The following OXR1 variants were observed in gnomAD, a reference collection of about 807,000 sequenced individuals.
OXR1 encodes the protein oxidation resistance 1, also known as oxidation resistance protein 1.
A neutral mutation model predicts 104.6 loss-of-function variants in OXR1; 41 were observed. The observed-to-expected ratio is 0.39, with a 90% CI of 0.31 to 0.51. The LOEUF is 0.51. Ranked by LOEUF, OXR1 falls within the 20% of genes least tolerant of loss-of-function variation. The pLI is 0.77. For synonymous variants in OXR1, 348 were observed against 348.4 expected (o/e 1.00, Z 0.01); for missense variants, 955 against 1,031.9 (o/e 0.93, Z 1.02).
chr8:106,563,704 T>C (rs1346904993), intron 3 of OXR1, among the ~76,000 whole-genome samples: 1 of 152,252 alleles, frequency 6.6e-6, no homozygotes, highest in Non-Finnish European at 1.5e-5. Flanking sequence ...CAGCACCACA[T>C]AGCACTTATT....
At chr8:106,458,673 G>C (rs1286827076) in intron 2 of OXR1, among the ~76,000 whole-genome samples, 1 of 152,082 alleles carries the variant, frequency 6.6e-6, no homozygotes, top group Admixed American at 6.5e-5. Flanking sequence ...GCTGCTGGGT[G>C]GACTGAGCCC....
At chr8:106,289,353 T>C (rs1249938788) in intron 1 of OXR1, among the ~76,000 whole-genome samples, 1 of 152,172 alleles carries the variant, frequency 6.6e-6, no homozygotes, top group Non-Finnish European at 1.5e-5. Context: ...ATCAGTAACA[T>C]TTGTATACAC....
rs188462873 is a variant in OXR1, at chr8:106,460,535, T to A, written c.24-58408T>A. On this transcript the variant is annotated intron_variant, in intron 2 of 16. Coordinates refer to ENST00000517566, the MANE Select transcript of OXR1 (RefSeq NM_001198533.2). ...GCCTTGGTTTCAGAAGCAGCTCTAA[T>A]GGTGGCTAGGGGCTTAAAAGTCTCT... 8.4e-4 allele frequency among the ~76,000 whole-genome samples: 128 copies of A among 152,298 alleles called. 1 individual carries two copies. Among genetic ancestry groups the A allele is most frequent in the Admixed American group, 2.1e-3 (32 of 15,294 alleles).
intron 2 of OXR1, among the ~76,000 whole-genome samples, chr8:106,410,017 T>C (rs200157455): frequency 1.1e-5 from 1 of 93,606 alleles, no homozygotes; most frequent in Non-Finnish European, 1.9e-5. Flanking sequence ...CACACACACA[T>C]AAGAACTTTT....
chr8:106,580,833 C>A (rs1182246498), intron 3 of OXR1: 2 of 223,266 alleles, frequency 9.0e-6, no homozygotes, highest in Admixed American at 6.5e-5. Flanking sequence ...ATTTTGTGAG[C>A]AAAAATGCAG....
At chr8:106,632,521 A>G (rs1822772045) in intron 3 of OXR1, among the ~76,000 whole-genome samples, 1 of 152,170 alleles carries the variant, frequency 6.6e-6, no homozygotes, top group Non-Finnish European at 1.5e-5. Context: ...CTAATAATTG[A>G]TGGGTTTTTC....
intron 3 of OXR1, among the ~76,000 whole-genome samples, chr8:106,609,736 A>C (rs556646922): frequency 6.6e-6 from 1 of 152,266 alleles, no homozygotes; most frequent in South Asian, 2.1e-4. Flanking sequence ...AAGACTACCC[A>C]TATTTATAGG....
intron 3 of OXR1, among the ~76,000 whole-genome samples, chr8:106,578,987 CTTTTTTT>C (rs71307073): frequency 7.3e-6 from 1 of 137,910 alleles, no homozygotes; most frequent in African/African-American, 2.7e-5. Context: ...CTTTTTCTTT[CTTTTTTT>C]TTTTTTTTGC....
At chr8:106,377,090 AG>A (rs1816936576) in intron 2 of OXR1, among the ~76,000 whole-genome samples, 1 of 152,232 alleles carries the variant, frequency 6.6e-6, no homozygotes, top group African/African-American at 2.4e-5. Context: ...TACCACAAAA[AG>A]GGGGGAGAAC....
At chr8:106,301,951 A>G (rs1022672183) in intron 1 of OXR1, among the ~76,000 whole-genome samples, 1 of 152,230 alleles carries the variant, frequency 6.6e-6, no homozygotes, top group Non-Finnish European at 1.5e-5. Context: ...AGAACATAAA[A>G]GTATCACGAG....
chr8:106,318,492 C>T (rs1181345268), intron 1 of OXR1, among the ~76,000 whole-genome samples: 1 of 152,198 alleles, frequency 6.6e-6, no homozygotes, highest in Non-Finnish European at 1.5e-5. Flanking sequence ...CCACTCCTTC[C>T]ACCCTGCTTC....
intron 3 of OXR1, among the ~76,000 whole-genome samples, chr8:106,666,791 C>A (rs1009607305): frequency 6.6e-6 from 1 of 152,022 alleles, no homozygotes; most frequent in Non-Finnish European, 1.5e-5. Context: ...TATCCAGGAT[C>A]GGGGTGGGGG....
intron 11 of OXR1, among the ~76,000 whole-genome samples, chr8:106,728,823 CA>C (rs1563752611): frequency 6.6e-6 from 1 of 152,118 alleles, no homozygotes; most frequent in African/African-American, 2.4e-5. Context: ...ATCAAAGTCA[CA>C]AGTCATTAAA....
At chr8:106,293,707 G>C (rs1219078220) in intron 1 of OXR1, among the ~76,000 whole-genome samples, 1 of 152,182 alleles carries the variant, frequency 6.6e-6, no homozygotes, top group Non-Finnish European at 1.5e-5. Flanking sequence ...TCACGTGGCA[G>C]AAGACAGAAG....
At chr8:106,729,528 G>A (rs187149558) in intron 11 of OXR1, among the ~76,000 whole-genome samples, 168 of 152,118 alleles carry the variant, frequency 1.1e-3, no homozygotes, top group Non-Finnish European at 2.0e-3. Flanking sequence ...AATTAAGGTA[G>A]CAGTCTAAAA....
chr8:106,731,523 A>G (rs1442807790), intron 11 of OXR1, among the ~76,000 whole-genome samples: 1 of 151,904 alleles, frequency 6.6e-6, no homozygotes, highest in African/African-American at 2.4e-5. Flanking sequence ...TTCCTGTGCT[A>G]TTTTCTAGGA....
intron 3 of OXR1, among the ~76,000 whole-genome samples, chr8:106,648,461 G>A (rs1029203052): frequency 2.0e-5 from 3 of 151,978 alleles, no homozygotes; most frequent in Non-Finnish European, 4.4e-5. Flanking sequence ...TATTCTTTTA[G>A]TATAAAAATA....
chr8:106,652,148 G>A lies in OXR1; in HGVS notation c.221-27062G>A, dbSNP rs1451135787. Among the ~76,000 whole-genome samples, 7 of 152,252 alleles carry A rather than the reference G, an allele frequency of 4.6e-5. No individual in the cohort carries two copies. In the East Asian group the frequency reaches 1.4e-3, roughly 29 times the overall value. The stretch of plus-strand genomic sequence containing the variant: ...GTGCTGGCACTGGTGATCTTTGGGA[G>A]TGTAACATCAGCTTGAAAGTGCCAT... On this transcript the variant is annotated intron_variant, in intron 3 of 16. Transcript: ENST00000517566.
intron 2 of OXR1, among the ~76,000 whole-genome samples, chr8:106,448,726 G>T (rs1820142687): frequency 6.6e-6 from 1 of 152,100 alleles, no homozygotes; most frequent in Non-Finnish European, 1.5e-5. Context: ...ATTGCCCTTG[G>T]TAGATGACCA....
Sources: allele counts gnomAD v4.1 joint callset (sites outside exome capture counted in the v4.1 genomes callset), GRCh38; gene constraint gnomAD v4.1.1; transcripts MANE v1.5; gene names NCBI Gene and HGNC (gene_info 2026-07-23, HGNC 2026-07-21).